The following IQSEC2 variants were observed in gnomAD, a reference collection of about 807,000 sequenced individuals.
The protein encoded by IQSEC2 is IQ motif and Sec7 domain ArfGEF 2.
IQSEC2 carries 6 observed loss-of-function variants against 74.6 expected under a neutral mutation model. The ratio of observed to expected loss-of-function variants is 0.08; its 90% CI spans 0.04 to 0.16. The LOEUF is 0.16. Ranked by LOEUF, IQSEC2 falls within the 10% of genes least tolerant of loss-of-function variation. IQSEC2 has a pLI of 1.00. For missense variants in IQSEC2, 734 were observed against 1,306.2 expected (o/e 0.56, Z 6.75); for synonymous variants, 494 against 544.5 (o/e 0.91, Z 1.29).
chrX:53,244,530 A>G (rs2074273824), intron 8 of IQSEC2, among the ~76,000 whole-genome samples: 1 of 105,296 alleles, frequency 9.5e-6, no homozygotes, highest in African/African-American at 3.6e-5. Flanking sequence ...TGTCTCAAAA[A>G]AAAAAAAAAA....
chrX:53,305,850 A>G lies in IQSEC2; in HGVS notation c.708-13926T>C, dbSNP rs782260486. Among the ~76,000 whole-genome samples, 11 of 111,085 alleles carry G rather than the reference A, an allele frequency of 9.9e-5. No homozygotes were observed. The East Asian group carries it at 2.8e-3, about 29-fold the overall frequency. On this transcript the variant is annotated intron_variant, in intron 1 of 14. Coordinates refer to ENST00000642864, the MANE Select transcript of IQSEC2 (RefSeq NM_001111125.3). ...CTCCTGTCTCCCCACCACACAGTGC[A>G]GCCCAAAGCCCCCCACCCCATGAAC...
At chrX:53,249,009 A>C in intron 5 of IQSEC2, 127 bp from the exon 6 acceptor site, 1 of 622,065 alleles carries the variant, frequency 1.6e-6, no homozygotes, top group Non-Finnish European at 2.5e-6. Flanking sequence ...CAAATACATA[A>C]TTTGATCCAA....
chrX:53,239,709 C>T (rs782781423), intron 10 of IQSEC2: 111 of 191,558 alleles, frequency 5.8e-4, no homozygotes, highest in Non-Finnish European at 1.0e-3. Flanking sequence ...GTCTGGTTGT[C>T]GGGTTCTGTC....
chrX:53,242,278 A>G (rs1269586413), intron 9 of IQSEC2, among the ~76,000 whole-genome samples: 1 of 108,412 alleles, frequency 9.2e-6, no homozygotes, highest in Non-Finnish European at 1.9e-5. Context: ...TACTAAAAAC[A>G]CAAAAATTAG....
At chrX:53,235,478 C>T (rs1224854881) in intron 14 of IQSEC2, among the ~76,000 whole-genome samples, 3 of 111,302 alleles carry the variant, frequency 2.7e-5, no homozygotes, top group Non-Finnish European at 5.7e-5. Context: ...CAGAGTGACT[C>T]GCCCAGGGTC....
chrX:53,262,063 A>G (rs1195404602), intron 2 of IQSEC2, among the ~76,000 whole-genome samples: 1 of 112,581 alleles, frequency 8.9e-6, no homozygotes, highest in Non-Finnish European at 1.9e-5. Context: ...CAGAGATTCA[A>G]ACCCCAAAGC....
In IQSEC2 at chrX:53,234,349, TGAGGGGAGGGTGGGGGGAGGGGTGGATAG is replaced by T; in HGVS notation, c.4308_4336del (p.Tyr1437HisfsTer160). 6.4e-6 allele frequency: 1 copy of T among 157,058 alleles called. No homozygotes were observed. The highest frequency in any genetic ancestry group is 9.7e-6 in the Non-Finnish European group (1 of 102,948). The allele number at this position is 157,058 out of a possible 1,213,427, so 12.9% of individuals were successfully genotyped here. ...GGGTGGAAGGGGTGAGTGCGGGGTG[TGAGGGGAGGGTGGGGGGAGGGGTGGATAG>T]GAGGGGTGGGGTGGGATGGGTGAGT... is the stretch of plus-strand genomic sequence containing the variant. On this transcript the variant is annotated frameshift_variant, in exon 15 of 15. Transcript: ENST00000642864. LOFTEE classifies it high-confidence loss of function.
At chrX:53,238,717 T>C (rs58005260) in intron 11 of IQSEC2, among the ~76,000 whole-genome samples, 2,482 of 107,855 alleles carry the variant, frequency 0.023, 77 homozygotes, top group African/African-American at 0.08. Flanking sequence ...TGATCATGCC[T>C]CTTCTCTGCT....
intron 2 of IQSEC2, among the ~76,000 whole-genome samples, chrX:53,263,810 C>T (rs1556867060): frequency 1.8e-5 from 2 of 112,087 alleles, no homozygotes; most frequent in Non-Finnish European, 3.8e-5. Flanking sequence ...GTCTTTCTTC[C>T]TGGCTAACTT....
Position 53,281,509 on chromosome X carries a change from C to T in IQSEC2, c.737+10386G>A. 4.4e-6 allele frequency: 5 copies of T among 1,149,299 alleles called. No homozygotes were observed. Among genetic ancestry groups the T allele is most frequent in the South Asian group, 3.9e-5 (2 of 51,684 alleles). 94.7% of individuals were successfully genotyped at this position (1,149,299 alleles called of 1,213,427 possible). A position where few individuals can be genotyped will look rare whatever the true frequency, so the allele number is the denominator to read the frequency against. ...CCAGGTTCCTACCTGCTGCTCCTCC[C>T]GGGGGGCTCCATGGGTCTGGACCTG... On this transcript the variant is annotated intron_variant, in intron 2 of 14. Transcript: ENST00000642864.
At chrX:53,252,708 A>G (rs1386646541) in intron 4 of IQSEC2, among the ~76,000 whole-genome samples, 5 of 112,359 alleles carry the variant, frequency 4.5e-5, no homozygotes, top group Non-Finnish European at 9.4e-5. Context: ...CAGCCATGCC[A>G]TTCCCAGCTT....
intron 1 of IQSEC2, among the ~76,000 whole-genome samples, chrX:53,316,570 C>T (rs2075374532): frequency 9.0e-6 from 1 of 111,224 alleles, no homozygotes; most frequent in South Asian, 3.8e-4. Flanking sequence ...CGTGGTGGCT[C>T]AGCACTTTGG....
chrX:53,300,448 T>G (rs1338681398), intron 1 of IQSEC2, among the ~76,000 whole-genome samples: 2 of 110,734 alleles, frequency 1.8e-5, no homozygotes, highest in Non-Finnish European at 3.8e-5. Flanking sequence ...TTTTCTTGAC[T>G]CCATCACAGC....
intron 2 of IQSEC2, among the ~76,000 whole-genome samples, 185 bp from the exon 3 acceptor site, chrX:53,256,246 AC>A (rs782250368): frequency 9.9e-6 from 1 of 101,325 alleles, no homozygotes; most frequent in African/African-American, 3.7e-5. Context: ...CCCCACTCCC[AC>A]CCAAGTCCCC....
intron 2 of IQSEC2, among the ~76,000 whole-genome samples, chrX:53,271,294 G>A (rs1012287246): frequency 2.7e-5 from 3 of 112,084 alleles, no homozygotes; most frequent in African/African-American, 6.5e-5. Flanking sequence ...TGCAAAATCC[G>A]CAGGGAAATG....
chrX:53,226,366 C>T (rs185898563), downstream of IQSEC2: 2 of 112,449 alleles, frequency 1.8e-5, no homozygotes, highest in East Asian at 2.8e-4. Context: ...TGAGTACTTG[C>T]GTACATGCTG....
rs1389197755 is a variant in IQSEC2, at chrX:53,250,967, G to T, written c.1609C>A (p.Pro537Thr). Residue 537 changes from proline (P) to threonine (T), a missense_variant, in exon 5 of 15, where the codon CCC becomes ACC. By Grantham distance (38) the Pro-to-Thr change is conservative (BLOSUM62 -1). Transcript: ENST00000642864. Reference protein sequence around the residue: ...QSPERLPSTEPPPQGRPEFWA... With the variant: ...QSPERLPSTETPPQGRPEFWA... Reference sequence around the variant, plus strand: ...AACTCGGGCCGGCCCTGGGGTGGGGGTTCTGTGCTGGGCAGTCGCTCAGGG... The same window carrying T: ...AACTCGGGCCGGCCCTGGGGTGGGGTTTCTGTGCTGGGCAGTCGCTCAGGG... The T allele has an allele frequency of 2.1e-5, 26 of 1,210,652 alleles. No homozygotes were observed. The highest frequency in any genetic ancestry group is 2.3e-5 in the Non-Finnish European group (21 of 895,262).
chrX:53,232,766 C>T (rs1324225440), downstream of IQSEC2: 1 of 112,315 alleles, frequency 8.9e-6, no homozygotes, highest in African/African-American at 3.2e-5. Flanking sequence ...TCTCGTCCAC[C>T]CAGGTGCCTG....
At chrX:53,280,051 G>A (rs1309484753) in intron 2 of IQSEC2, among the ~76,000 whole-genome samples, 1 of 109,974 alleles carries the variant, frequency 9.1e-6, no homozygotes, top group Non-Finnish European at 1.9e-5. Flanking sequence ...CAGTAGAGAC[G>A]AAAGAGCCGG....
Sources: gnomAD v4.1 joint callset for allele counts (sites outside exome capture counted in the v4.1 genomes callset) on GRCh38, gnomAD v4.1.1 for gene constraint, MANE v1.5 for transcripts, NCBI Gene and HGNC (gene_info 2026-07-23, HGNC 2026-07-21) for gene names.